PSAP: variants seen among roughly 807,000 people sequenced by gnomAD.
PSAP encodes the protein precursor of saposins.
PSAP carries 25 observed loss-of-function variants against 66.0 expected under a neutral mutation model. That is an observed-to-expected ratio of 0.38 (90% CI 0.28 to 0.53). PSAP has a LOEUF of 0.53. PSAP is among the 20% of genes least tolerant of loss of function. The pLI, the probability that PSAP is intolerant of heterozygous loss-of-function variation, is 0.83. For synonymous variants in PSAP, 273 were observed against 258.9 expected, an observed-to-expected ratio of 1.05 and a Z score of -0.52; for missense variants, 649 against 668.8, an observed-to-expected ratio of 0.97 and a Z score of 0.33.
chr10:71,819,020 G>T lies in PSAP; in HGVS notation c.1431+11C>A. 1 of 1,612,972 alleles carries T rather than the reference G, an allele frequency of 6.2e-7. No homozygotes were observed. Among genetic ancestry groups the T allele is most frequent in the Non-Finnish European group, 8.5e-7 (1 of 1,178,988 alleles). Reference sequence around the variant, plus strand: ...CTGCCCGAGAGGACCACACCACCCAGTGAGGCTCACCAAGCACACGAAGGA... The same window carrying T: ...CTGCCCGAGAGGACCACACCACCCATTGAGGCTCACCAAGCACACGAAGGA... On this transcript the variant is annotated intron_variant, in intron 12 of 13. Transcript: ENST00000394936.
chr10:71,829,119 A>C (rs754542276), intron 4 of PSAP, 42 bp from the exon 5 acceptor site: 1 of 1,577,896 alleles, frequency 6.3e-7, no homozygotes, highest in South Asian at 1.1e-5. Flanking sequence ...TCCTCTCCCC[A>C]GGGGAAAATA....
intron 1 of PSAP, among the ~76,000 whole-genome samples, chr10:71,839,885 C>T (rs2133060607): frequency 6.6e-6 from 1 of 152,104 alleles, no homozygotes; most frequent in East Asian, 1.9e-4. Context: ...CATTATTATT[C>T]TATGTATTTG....
intron 9 of PSAP, 101 bp from the exon 10 acceptor site, chr10:71,820,001 G>T: frequency 8.9e-7 from 1 of 1,119,158 alleles, no homozygotes; most frequent in Admixed American, 2.0e-5. Context: ...GTCAATGGTG[G>T]GTGCCGTTTC....
At chr10:71,831,353 C>G in intron 3 of PSAP, 102 bp from the exon 4 acceptor site, 1 of 1,481,726 alleles carries the variant, frequency 6.7e-7, no homozygotes. Context: ...AAAACCAAGC[C>G]TGGAAAACAG....
At chr10:71,833,033 A>AAAAAAAAAAAAAAAAAAAAG (rs1564821821) in intron 2 of PSAP, among the ~76,000 whole-genome samples, 1 of 122,134 alleles carries the variant, frequency 8.2e-6, no homozygotes, top group Non-Finnish European at 1.6e-5. Context: ...AAAAAAAAAC[A>AAAAAAAAAAAAAAAAAAAAG]AAAAACAAAA....
In PSAP at chr10:71,834,451, CACA is replaced by C. The variant is rs1260087473; in HGVS notation, c.92_94del (p.Val31_Trp32delinsGly). On this transcript the variant is annotated inframe_deletion, in exon 2 of 14. Transcript: ENST00000394936. The stretch of plus-strand genomic sequence containing the variant: ...GGACGCCGTCTTCACATTCTGGCAC[CACA>C]CTGCCGAGCCCCTGGTGCATTCTTT... 1 of 1,613,910 alleles carries C rather than the reference CACA, an allele frequency of 6.2e-7. No homozygotes were observed. Among genetic ancestry groups the C allele is most frequent in the Non-Finnish European group, 8.5e-7 (1 of 1,179,970 alleles).
At chr10:71,846,169 G>T (rs2394845) in intron 1 of PSAP, among the ~76,000 whole-genome samples, 111,551 of 151,990 alleles carry the variant, frequency 0.73, 41,295 homozygotes, top group South Asian at 0.8. Context: ...AAATAGATGA[G>T]TAATGCCACT....
At chr10:71,849,232 G>T (rs186461125) in intron 1 of PSAP, among the ~76,000 whole-genome samples, 38 of 152,256 alleles carry the variant, frequency 2.5e-4, no homozygotes, top group Admixed American at 2.2e-3. Context: ...TTTTTTATAA[G>T]CAGATCATCT....
intron 1 of PSAP, among the ~76,000 whole-genome samples, chr10:71,849,937 T>A (rs1842896311): frequency 6.6e-6 from 1 of 152,124 alleles, no homozygotes. Flanking sequence ...AATTCCTATC[T>A]AAGGGGTGTA....
rs533983482 is a variant in PSAP, at chr10:71,825,825, C to T, written c.777+12G>A. 3.0e-5 allele frequency: 49 copies of T among 1,609,842 alleles called. No homozygotes were observed. The highest frequency in any genetic ancestry group is 4.0e-5 in the African/African-American group (3 of 74,914). On this transcript the variant is annotated intron_variant, in intron 7 of 13. Transcript: ENST00000394936. ...AAGAAAAATGCTAACAAGGGGCCTC[C>T]GTGCCACCTACCATGTGCATCATCA...
Position 71,848,126 on chromosome 10 carries a change from G to A in PSAP, c.40+3056C>T, listed in dbSNP as rs577432854. 1.5e-3 allele frequency among the ~76,000 whole-genome samples: 235 copies of A among 152,144 alleles called. 1 individual carries two copies. The highest frequency in any genetic ancestry group is 2.3e-3 in the Non-Finnish European group (157 of 68,016). ...TCCATGATCCCATTTGTAAAAGATC[G>A]AAACTGCAGCCTTCACATCTATGGT... On this transcript the variant is annotated intron_variant, in intron 1 of 13. Transcript: ENST00000394936.
At chr10:71,820,117 G>A in intron 9 of PSAP, 123 bp downstream of exon 9, 1 of 1,008,042 alleles carries the variant, frequency 9.9e-7, no homozygotes, top group Non-Finnish European at 1.6e-6. Context: ...TCCACGAGAT[G>A]GGGACATGGC....
chr10:71,843,456 G>A (rs1169180111), intron 1 of PSAP, among the ~76,000 whole-genome samples: 1 of 152,150 alleles, frequency 6.6e-6, no homozygotes, highest in Non-Finnish European at 1.5e-5. Flanking sequence ...TCCCATCACA[G>A]CTACTGAGAG....
chr10:71,847,255 G>C (rs1227070994), intron 1 of PSAP, among the ~76,000 whole-genome samples: 1 of 152,106 alleles, frequency 6.6e-6, no homozygotes, highest in African/African-American at 2.4e-5. Flanking sequence ...AGGAGTTCAA[G>C]ACCAGCCTGG....
At chr10:71,845,107 A>G (rs1294846970) in intron 1 of PSAP, among the ~76,000 whole-genome samples, 3 of 152,258 alleles carry the variant, frequency 2.0e-5, no homozygotes, top group Non-Finnish European at 4.4e-5. Context: ...TAAAACATAC[A>G]TATATAAATA....
intron 1 of PSAP, among the ~76,000 whole-genome samples, chr10:71,835,298 A>C (rs748320179): frequency 1.3e-5 from 2 of 151,996 alleles, no homozygotes; most frequent in Non-Finnish European, 2.9e-5. Flanking sequence ...ACATAAAACA[A>C]TGGCCAGCTG....
chr10:71,817,623 G>A (rs1161473913), intron 13 of PSAP, 147 bp from the exon 14 acceptor site: 1 of 801,236 alleles, frequency 1.2e-6, no homozygotes, highest in Non-Finnish European at 2.2e-6. Flanking sequence ...ACCCAGGACA[G>A]GATCTCACTT....
chr10:71,835,821 G>GAAAAA (rs758665607), intron 1 of PSAP, among the ~76,000 whole-genome samples: 111 of 48,672 alleles, frequency 2.3e-3, no homozygotes, highest in Non-Finnish European at 2.5e-3. Context: ...GTCTGAGACA[G>GAAAAA]AAAAAAAAAA....
rs530878256 is a variant in PSAP, at chr10:71,851,002, C to G, written c.40+180G>C. On this transcript the variant is annotated intron_variant, in intron 1 of 13. Coordinates refer to ENST00000394936, the MANE Select transcript of PSAP (RefSeq NM_002778.4). ...GGGGGCATTTTCGCAGCCCGCCCCC[C>G]GCAGCCCCCAGCCGCCCAGAGAAAG... Among the ~76,000 whole-genome samples, 5 of 152,362 alleles carry G rather than the reference C, an allele frequency of 3.3e-5. No homozygotes were observed. In the South Asian group the frequency reaches 8.3e-4, roughly 25 times the overall value.
Sources: gnomAD v4.1 joint callset for allele counts (sites outside exome capture counted in the v4.1 genomes callset) on GRCh38, gnomAD v4.1.1 for gene constraint, MANE v1.5 for transcripts, NCBI Gene and HGNC (gene_info 2026-07-23, HGNC 2026-07-21) for gene names.